The following PAPPA2 variants were observed in gnomAD, a reference collection of about 807,000 sequenced individuals.
PAPPA2 encodes pappalysin-2.
A neutral mutation model predicts 176.4 loss-of-function variants in PAPPA2; 86 were observed. That is an observed-to-expected ratio of 0.49 (90% CI 0.41 to 0.58). The LOEUF (loss-of-function observed/expected upper bound fraction) is 0.58. Ranked by LOEUF, PAPPA2 falls within the 20% of genes least tolerant of loss-of-function variation. The probability of loss-of-function intolerance (pLI) is 0.00; values close to 1 mark genes in which losing one functional copy is unlikely to be tolerated. For missense variants in PAPPA2, 2,073 were observed against 2,256.9 expected (o/e 0.92, Z 1.65); for synonymous variants, 809 against 852.2 (o/e 0.95, Z 0.88).
chr1:176,804,759 T>G (rs1338345943), intron 21 of PAPPA2, among the ~76,000 whole-genome samples: 1 of 152,332 alleles, frequency 6.6e-6, no homozygotes, highest in East Asian at 1.9e-4. Flanking sequence ...CTCAACACGA[T>G]GTTTGAATGT....
At chr1:176,483,488 T>G (rs1652503713) in intron 1 of PAPPA2, among the ~76,000 whole-genome samples, 1 of 77,292 alleles carries the variant, frequency 1.3e-5, no homozygotes, top group Non-Finnish European at 2.7e-5. Flanking sequence ...TTTTTTTTTT[T>G]GAGATGAAGT....
intron 21 of PAPPA2, among the ~76,000 whole-genome samples, chr1:176,828,987 C>A (rs1011211147): frequency 6.6e-6 from 1 of 151,450 alleles, no homozygotes; most frequent in Admixed American, 6.6e-5. Context: ...TGGGCAACAA[C>A]GCAAGACTCC....
In PAPPA2 at chr1:176,744,256, C is replaced by G. The variant is rs1186693179; in HGVS notation, c.4151+4060C>G. 2.0e-5 allele frequency among the ~76,000 whole-genome samples: 3 copies of G among 152,146 alleles called. No homozygotes were observed. The East Asian group carries it at 5.8e-4, about 29-fold the overall frequency. ...TCTACTCTTTCTGGAATTAAAATGT[C>G]TATCCCTGCCTTCCTTTTGTTTGTA... On this transcript the variant is annotated intron_variant, in intron 14 of 22. Transcript: ENST00000367662.
Position 176,711,871 on chromosome 1 carries a change from C to T in PAPPA2, c.3688C>T (p.Arg1230Cys), listed in dbSNP as rs751692540. 6.2e-6 allele frequency: 10 copies of T among 1,612,142 alleles called. No individual in the cohort carries two copies. Among genetic ancestry groups the T allele is most frequent in the African/African-American group, 1.3e-5 (1 of 74,860 alleles). Residue 1230 changes from arginine to cysteine, a missense_variant, in exon 12 of 23, where the codon CGT (arginine) becomes TGT (cysteine). Around this residue, in one of 4 missense-constraint regions of PAPPA2, gnomAD observed 846 missense variants for 857.9 expected, o/e 0.99. Transcript: ENST00000367662. ...TSYHPDLPNHRPLTGWFPCVA... is the reference protein window; with the variant it reads ...TSYHPDLPNHCPLTGWFPCVA... ...ATACCATCCAGATTTACCCAACCAC[C>T]GTCCCCTAACTGGCTGGTTTCCCTG...
chr1:176,587,065 G>C (rs755716863), intron 2 of PAPPA2, among the ~76,000 whole-genome samples: 7 of 151,656 alleles, frequency 4.6e-5, no homozygotes, highest in East Asian at 1.9e-4. Flanking sequence ...TCATATGTTT[G>C]TTGGCCACTT....
At chr1:176,583,388 G>GCT (rs1262795362) in intron 2 of PAPPA2, among the ~76,000 whole-genome samples, 1 of 151,772 alleles carries the variant, frequency 6.6e-6, no homozygotes, top group African/African-American at 2.4e-5. Context: ...TACTGCTTTG[G>GCT]CTGTGTTCCA....
chr1:176,592,262 G>T (rs1440244783), intron 2 of PAPPA2, among the ~76,000 whole-genome samples: 1 of 152,158 alleles, frequency 6.6e-6, no homozygotes, highest in Non-Finnish European at 1.5e-5. Flanking sequence ...TTCATTTGCT[G>T]CTTGGACATC....
intron 2 of PAPPA2, among the ~76,000 whole-genome samples, chr1:176,563,942 A>G (rs1338687824): frequency 6.6e-6 from 1 of 152,158 alleles, no homozygotes; most frequent in Non-Finnish European, 1.5e-5. Flanking sequence ...CTTAGACTGC[A>G]CTGTAGTCAA....
intron 4 of PAPPA2, among the ~76,000 whole-genome samples, chr1:176,686,900 A>G (rs1355716232): frequency 6.6e-6 from 1 of 152,222 alleles, no homozygotes; most frequent in African/African-American, 2.4e-5. Context: ...CTAATGCTCC[A>G]CACTCCAAGT....
At chr1:176,575,904 T>G (rs1652613175) in intron 2 of PAPPA2, among the ~76,000 whole-genome samples, 1 of 152,242 alleles carries the variant, frequency 6.6e-6, no homozygotes, top group South Asian at 2.1e-4. Context: ...TCCCAGAACT[T>G]ACTTTGTTTT....
intron 14 of PAPPA2, among the ~76,000 whole-genome samples, chr1:176,758,492 C>T (rs946908339): frequency 6.6e-6 from 1 of 152,196 alleles, no homozygotes. Context: ...CCAGTCCACT[C>T]TACATTCTGT....
chr1:176,545,553 G>A (rs758959381), intron 1 of PAPPA2, among the ~76,000 whole-genome samples: 1 of 151,966 alleles, frequency 6.6e-6, no homozygotes, highest in Non-Finnish European at 1.5e-5. Flanking sequence ...AACCTACATT[G>A]ATTTAGGTAT....
intron 3 of PAPPA2, among the ~76,000 whole-genome samples, chr1:176,608,461 A>T (rs1302234534): frequency 1.3e-5 from 2 of 152,204 alleles, no homozygotes; most frequent in Non-Finnish European, 2.9e-5. Context: ...CCATCTTATG[A>T]ATTTGCGGTG....
intron 12 of PAPPA2, among the ~76,000 whole-genome samples, chr1:176,714,572 C>T (rs989049647): frequency 6.6e-5 from 10 of 152,150 alleles, no homozygotes; most frequent in Admixed American, 5.9e-4. Context: ...GGCACCATAA[C>T]CTACATCTGC....
chr1:176,517,297 A>G (rs1019130854), intron 1 of PAPPA2, among the ~76,000 whole-genome samples: 4 of 152,166 alleles, frequency 2.6e-5, no homozygotes, highest in Non-Finnish European at 2.9e-5. Flanking sequence ...AAGCATGAAT[A>G]TTAATTAGCT....
At chr1:176,795,261 C>T (rs1174399881) in intron 20 of PAPPA2, among the ~76,000 whole-genome samples, 1 of 152,018 alleles carries the variant, frequency 6.6e-6, no homozygotes, top group Non-Finnish European at 1.5e-5. Context: ...AACTGTACTA[C>T]TGCTGAGGGT....
intron 21 of PAPPA2, chr1:176,836,792 T>C (rs887932260): frequency 6.6e-6 from 1 of 151,912 alleles, no homozygotes; most frequent in Non-Finnish European, 1.5e-5. Flanking sequence ...CACTGAACTA[T>C]CACATGAGCT....
At chr1:176,575,945 G>C (rs1205629163) in intron 2 of PAPPA2, among the ~76,000 whole-genome samples, 1 of 152,158 alleles carries the variant, frequency 6.6e-6, no homozygotes, top group Non-Finnish European at 1.5e-5. Flanking sequence ...ATTTTCCTGT[G>C]TTCCTAAATA....
At chr1:176,679,877 A>G (rs189678093) in intron 4 of PAPPA2, among the ~76,000 whole-genome samples, 102 of 152,332 alleles carry the variant, frequency 6.7e-4, no homozygotes, top group African/African-American at 2.4e-3. Flanking sequence ...ACTGGAGTTG[A>G]GTAAAGCAAT....
Sources: allele counts gnomAD v4.1 joint callset (sites outside exome capture counted in the v4.1 genomes callset), GRCh38; gene constraint gnomAD v4.1.1; regional missense constraint gnomAD v4.1.1; transcripts MANE v1.5; gene names NCBI Gene and HGNC (gene_info 2026-07-23, HGNC 2026-07-21).